KRIT1: variants seen among roughly 807,000 people sequenced by gnomAD.
KRIT1 encodes krev interaction trapped protein 1.
A neutral mutation model predicts 95.8 loss-of-function variants in KRIT1; 45 were observed. The observed-to-expected ratio is 0.47, with a 90% CI of 0.37 to 0.60. The LOEUF (loss-of-function observed/expected upper bound fraction) is 0.60. Among genes scored for constraint, KRIT1 ranks in the 20% least tolerant of loss-of-function variants. The pLI is 0.00. For missense variants in KRIT1, 788 were observed against 877.5 expected (o/e 0.90, Z 1.29); for synonymous variants, 282 against 278.8 (o/e 1.01, Z -0.11).
At chr7:92,243,937 CATT>C (rs1217446224) in intron 3 of KRIT1, 62 bp downstream of exon 3, 1 of 152,122 alleles carries the variant, frequency 6.6e-6, no homozygotes, top group Non-Finnish European at 1.5e-5. Flanking sequence ...CATTCTTTAT[CATT>C]ATATACTTCA....
In KRIT1 at chr7:92,234,580, C is replaced by T; in HGVS notation, c.858G>A (p.Trp286Ter). Reference protein sequence around the residue: ...SSVTEDKERQWVDDFPLHRSA... With the variant: ...SSVTEDKERQ ...TTCGGTGGAGAGGAAAATCATCTAC[C>T]CACTGTCGTTCCCTAATCATTAAAA... The change falls in exon 10 of 19, where the codon TGG becomes TGA. Residue 286 changes from tryptophan (W) to a stop codon, truncating the protein, a stop_gained. Coordinates refer to ENST00000394505, the MANE Select transcript of KRIT1 (RefSeq NM_194454.3). LOFTEE classifies it high-confidence loss of function. 6.2e-7 allele frequency: 1 copy of T among 1,612,968 alleles called. No individual in the cohort carries two copies. The highest frequency in any genetic ancestry group is 8.5e-7 in the Non-Finnish European group (1 of 1,179,064).
intron 14 of KRIT1, 47 bp from the exon 15 acceptor site, chr7:92,214,824 T>TA: frequency 7.7e-7 from 1 of 1,301,762 alleles, no homozygotes; most frequent in Non-Finnish European, 1.1e-6. Context: ...AATTTCTTTT[T>TA]ACAAATGAAC....
chr7:92,218,802 TTAA>T (rs959517740), intron 14 of KRIT1, among the ~76,000 whole-genome samples: 4 of 152,214 alleles, frequency 2.6e-5, no homozygotes, highest in South Asian at 2.1e-4. Context: ...TTTCACTTTC[TTAA>T]TAATGTCCTT....
chr7:92,226,577 T>C lies in KRIT1; in HGVS notation c.1095A>G (p.Gly365=), dbSNP rs143710815. The C allele has an allele frequency of 3.5e-3, 5,693 of 1,613,262 alleles. 14 individuals are homozygous for C. Among genetic ancestry groups the C allele is most frequent in the Non-Finnish European group, 4.5e-3 (5,278 of 1,179,308 alleles). ...LSSPLHFAAG[G]GHAEIVQILL... Reference sequence around the variant, plus strand: ...GAATCTGTACTATTTCAGCATGTCCTCCTCCAGCAGCAAAATGAAGAGGAG... The same window carrying C: ...GAATCTGTACTATTTCAGCATGTCCCCCTCCAGCAGCAAAATGAAGAGGAG... The change falls in exon 11 of 19, where the codon GGA becomes GGG. Residue 365 remains glycine (G), a synonymous_variant. Coordinates refer to ENST00000394505, the MANE Select transcript of KRIT1 (RefSeq NM_194454.3).
rs539043467 is a variant in KRIT1 at position 92,199,977 on chromosome 7, A to C, written c.*759T>G. On this transcript the variant is annotated 3_prime_UTR_variant, in exon 19 of 19. Coordinates refer to ENST00000394505, the MANE Select transcript of KRIT1 (RefSeq NM_194454.3). ...AAAAAATGTTGAGAAATGTTTATAGACTGCAGAAAACTGTTTTAAATAACA... is the reference window on the plus strand; with the variant it reads ...AAAAAATGTTGAGAAATGTTTATAGCCTGCAGAAAACTGTTTTAAATAACA... 1 of 152,644 alleles carries C rather than the reference A, an allele frequency of 6.6e-6. No homozygotes were observed. The highest frequency in any genetic ancestry group is 2.1e-4 in the South Asian group (1 of 4,824). The allele number at this position is 152,644 out of a possible 1,614,324, so 9.5% of individuals were successfully genotyped here. A position where few individuals can be genotyped will look rare whatever the true frequency, so the allele number is the denominator to read the frequency against.
chr7:92,205,976 A>T (rs1791392540), intron 17 of KRIT1: 1 of 152,324 alleles, frequency 6.6e-6, no homozygotes, highest in South Asian at 2.1e-4. Context: ...CTGTGCACAT[A>T]GTGCCAGGAG....
downstream of KRIT1, chr7:92,199,154 A>G (rs1789712371): frequency 6.6e-6 from 1 of 152,248 alleles, no homozygotes; most frequent in Non-Finnish European, 1.5e-5. Context: ...GGGAGTCAAC[A>G]GGGTATTTGG....
intron 5 of KRIT1, among the ~76,000 whole-genome samples, chr7:92,239,707 CTTT>C (rs35969231): frequency 1.5e-5 from 2 of 132,596 alleles, no homozygotes. Flanking sequence ...TATGCAGGAA[CTTT>C]TTTTTTTTTT....
chr7:92,216,683 T>A (rs1794063878), intron 14 of KRIT1, among the ~76,000 whole-genome samples: 1 of 152,182 alleles, frequency 6.6e-6, no homozygotes, highest in South Asian at 2.1e-4. Flanking sequence ...CTAAACCAAA[T>A]TGTTAACAAC....
chr7:92,227,967 C>A (rs749907319), intron 10 of KRIT1, among the ~76,000 whole-genome samples: 1 of 151,970 alleles, frequency 6.6e-6, no homozygotes, highest in Non-Finnish European at 1.5e-5. Flanking sequence ...AGCCAGAGAT[C>A]GCGCCATTGC....
At chr7:92,233,022 C>T (rs1797647581) in intron 10 of KRIT1, among the ~76,000 whole-genome samples, 1 of 152,046 alleles carries the variant, frequency 6.6e-6, no homozygotes, top group Admixed American at 6.6e-5. Context: ...ATTGTTTTTG[C>T]CGCCAGTATT....
Position 92,222,915 on chromosome 7 carries a change from T to G in KRIT1, c.1318A>C (p.Asn440His), listed in dbSNP as rs765351431. The stretch of plus-strand genomic sequence containing the variant: ...ATTATCTGCTGCACTGTGGTATTAT[T>G]TCCATGCTTCAATTCAACAGAACGA... ...SYRSVELKHG[N>H]NTTVQQIMEG... The change falls in exon 13 of 19, where the codon AAT becomes CAT. Residue 440 changes from asparagine to histidine, a missense_variant. Transcript: ENST00000394505. 6.2e-6 allele frequency: 10 copies of G among 1,606,030 alleles called. No individual in the cohort carries two copies. Among genetic ancestry groups the G allele is most frequent in the Non-Finnish European group, 8.5e-6 (10 of 1,172,890 alleles).
chr7:92,217,622 T>C (rs971435224), intron 14 of KRIT1, among the ~76,000 whole-genome samples: 7 of 152,244 alleles, frequency 4.6e-5, no homozygotes, highest in African/African-American at 1.7e-4. Context: ...CAGTGAATAA[T>C]ACTCTACTTG....
intron 10 of KRIT1, 23 bp from the exon 11 acceptor site, chr7:92,226,705 A>C (rs771397017): frequency 6.2e-7 from 1 of 1,609,264 alleles, no homozygotes; most frequent in Admixed American, 1.7e-5. Flanking sequence ...ACAAACAAAC[A>C]AAAAACAACA....
rs1405989054 is a variant in KRIT1 at position 92,242,018 on chromosome 7, T to C, written c.102+16A>G. The C allele has an allele frequency of 8.4e-7, 1 of 1,185,684 alleles. No individual in the cohort carries two copies. The highest frequency in any genetic ancestry group is 1.3e-6 in the Non-Finnish European group (1 of 790,364). The allele number at this position is 1,185,684 out of a possible 1,614,324, so 73.4% of individuals were successfully genotyped here. ...ACATTCAATGGTAGAAATAAATTAT[T>C]ATTAAATGTTCTTACTTCATATGAC... On this transcript the variant is annotated intron_variant, in intron 4 of 18. Coordinates refer to ENST00000394505, the MANE Select transcript of KRIT1 (RefSeq NM_194454.3).
Position 92,226,511 on chromosome 7 carries a change from TG to T in KRIT1, c.1146+14del, listed in dbSNP as rs1226750666. ...TGCTTGAATATTATTTTTAAAAACC[TG>T]GAAAATAACTTACTCTATCCGTTTC... On this transcript the variant is annotated intron_variant, in intron 11 of 18. Transcript: ENST00000394505. The T allele has an allele frequency of 6.3e-7, 1 of 1,595,014 alleles. No homozygotes were observed. Among genetic ancestry groups the T allele is most frequent in the Non-Finnish European group, 8.6e-7 (1 of 1,162,780 alleles).
At chr7:92,217,550 TTTAG>T (rs1413075981) in intron 14 of KRIT1, among the ~76,000 whole-genome samples, 1 of 152,208 alleles carries the variant, frequency 6.6e-6, no homozygotes, top group Non-Finnish European at 1.5e-5. Context: ...GTCTGGTTTA[TTTAG>T]TATGTTTTCA....
At position 92,225,812 on chromosome 7, in the gene KRIT1, G is replaced by T. The variant is rs1796087833; in HGVS notation, c.1162C>A (p.Gln388Lys). ...PETDRHITDQ[Q>K]GRSPLNICEE... ...CAAATATTTAATGGAGATCTTCCTT[G>T]TTGGTCTGTTATATGCTAGAAATGT... Residue 388 changes from glutamine (Q) to lysine (K), a missense_variant, in exon 12 of 19, where the codon CAA becomes AAA. Physicochemically the swap from Gln to Lys is moderately conservative, Grantham distance 53 (BLOSUM62 1). Coordinates refer to ENST00000394505, the MANE Select transcript of KRIT1 (RefSeq NM_194454.3). The T allele has an allele frequency of 1.9e-6, 3 of 1,598,576 alleles. No individual in the cohort carries two copies. The South Asian group carries it at 3.3e-5, about 18-fold the overall frequency.
intron 17 of KRIT1, among the ~76,000 whole-genome samples, chr7:92,211,725 T>G (rs1373103184): frequency 1.3e-5 from 2 of 152,192 alleles, no homozygotes; most frequent in Non-Finnish European, 2.9e-5. Flanking sequence ...TACCCTGATT[T>G]GATCATTACA....
Sources: allele counts gnomAD v4.1 joint callset (sites outside exome capture counted in the v4.1 genomes callset), GRCh38; gene constraint gnomAD v4.1.1; transcripts MANE v1.5; gene names NCBI Gene and HGNC (gene_info 2026-07-23, HGNC 2026-07-21).